Variants in IL22RA1 observed in about 807,000 individuals in gnomAD.
IL22RA1 encodes interleukin 22 receptor subunit alpha 1, also known as interleukin-22 receptor subunit alpha-1.
A neutral mutation model predicts 32.8 loss-of-function variants in IL22RA1; 25 were observed. The observed-to-expected ratio is 0.76, with a 90% confidence interval of 0.55 to 1.06. The LOEUF (loss-of-function observed/expected upper bound fraction) is 1.06, where lower values mean the gene tolerates loss of function less well. IL22RA1 is among the 50% of genes least tolerant of loss of function. The pLI is 0.00. For synonymous variants in IL22RA1, 305 were observed against 305.0 expected (o/e 1.00, Z 0.00); for missense variants, 709 against 727.4 (o/e 0.97, Z 0.29).
chr1:24,128,070 C>A, intron 5 of IL22RA1, 71 bp downstream of exon 5: 3 of 1,434,734 alleles, frequency 2.1e-6, no homozygotes, highest in Non-Finnish European at 2.8e-6. Context: ...ACCTTGGTTA[C>A]AGGGAGGAAA....
chr1:24,121,791 C>A, intron 6 of IL22RA1, 54 bp from the exon 7 acceptor site: 1 of 1,373,802 alleles, frequency 7.3e-7, no homozygotes, highest in South Asian at 1.8e-5. Context: ...GTCCCAAGCT[C>A]CCTACTGGTG....
chr1:24,121,449 G>A lies in IL22RA1; in HGVS notation c.1081C>T (p.Pro361Ser), dbSNP rs750435511. ...YAPNAAPEVGPPSYAPQVTPE... is the reference protein window; with the variant it reads ...YAPNAAPEVGSPSYAPQVTPE... ...GTCACCTGAGGTGCATAGGATGGGG[G>A]CCCGACCTCAGGGGCAGCGTTTGGG... Residue 361 changes from proline (P) to serine (S), a missense_variant, in exon 7 of 7, where the codon CCC (proline) becomes TCC (serine). Coordinates refer to ENST00000270800, the MANE Select transcript of IL22RA1 (RefSeq NM_021258.4). The A allele has an allele frequency of 6.5e-7, 1 of 1,545,912 alleles. No individual in the cohort carries two copies. The highest frequency in any genetic ancestry group is 8.7e-7 in the Non-Finnish European group (1 of 1,143,932).
At chr1:24,128,382 A>G in intron 4 of IL22RA1, 103 bp from the exon 5 acceptor site, 3 of 1,386,268 alleles carry the variant, frequency 2.2e-6, no homozygotes, top group Non-Finnish European at 2.0e-6. Flanking sequence ...TTTGATGCTG[A>G]TGGGTCTGTC....
At position 24,121,411 on chromosome 1, in the gene IL22RA1, T is replaced by A. The variant is rs1644120425; in HGVS notation, c.1119A>T (p.Gln373His). The A allele has an allele frequency of 6.4e-7, 1 of 1,551,840 alleles. No individual in the cohort carries two copies. Among genetic ancestry groups the A allele is most frequent in the Non-Finnish European group, 8.7e-7 (1 of 1,147,688 alleles). ...SYAPQVTPEA[Q>H]FPFYAPQAIS... ...TGGCCTGTGGGGCGTAGAATGGGAA[T>A]TGAGCTTCGGGGGTCACCTGAGGTG... The change falls in exon 7 of 7, where the codon CAA (glutamine) becomes CAT (histidine). Residue 373 changes from glutamine (Q) to histidine (H), a missense_variant. By Grantham distance (24) the Gln-to-His change is conservative (BLOSUM62 0). Transcript: ENST00000270800.
chr1:24,124,084 G>T (rs1644145463), intron 5 of IL22RA1, among the ~76,000 whole-genome samples: 1 of 152,210 alleles, frequency 6.6e-6, no homozygotes, highest in South Asian at 2.1e-4. Context: ...GATCCAGATG[G>T]ATCTGCCCCC....
Position 24,120,550 on chromosome 1 carries a change from G to T in IL22RA1, c.*255C>A. On this transcript the variant is annotated 3_prime_UTR_variant, in exon 7 of 7. Transcript: ENST00000270800. ...TGCACTGTCATTTCTGCCTTGCAGG[G>T]CTCAGCGAGCACGCGCTTGTCTACA... 4.4e-6 allele frequency: 2 copies of T among 451,340 alleles called. No individual in the cohort carries two copies. Among genetic ancestry groups the T allele is most frequent in the Admixed American group, 3.8e-5 (1 of 26,134 alleles). 28.0% of individuals were successfully genotyped at this position (451,340 alleles called of 1,614,324 possible).
rs760967722 is a variant in IL22RA1 at position 24,134,416 on chromosome 1, GAA to G, written c.356-32_356-31del. Reference sequence around the variant, plus strand: ...GGATAGGGAGAGAGAAAAGAGAAAAGAAAAAGTCAGAATCGGTGGGTAGTGTC... The same window carrying G: ...GGATAGGGAGAGAGAAAAGAGAAAAGAAAGTCAGAATCGGTGGGTAGTGTC... On this transcript the variant is annotated intron_variant, in intron 3 of 6. Transcript: ENST00000270800. The G allele has an allele frequency of 5.5e-6, 8 of 1,442,638 alleles. No individual in the cohort carries two copies. The South Asian group carries it at 1.2e-4, about 22-fold the overall frequency. The allele number at this position is 1,442,638 out of a possible 1,614,324, so 89.4% of individuals were successfully genotyped here. A position where few individuals can be genotyped will look rare whatever the true frequency, so the allele number is the denominator to read the frequency against.
intron 1 of IL22RA1, among the ~76,000 whole-genome samples, chr1:24,140,561 A>G (rs1644273550): frequency 6.6e-6 from 1 of 152,230 alleles, no homozygotes. Context: ...GTCTTTGTCC[A>G]GCCCACTTCT....
Position 24,130,348 on chromosome 1 carries a change from G to C in IL22RA1, c.532-2069C>G, listed in dbSNP as rs1240936393. On this transcript the variant is annotated intron_variant, in intron 4 of 6. Transcript: ENST00000270800. ...AATGAGGGGAGAAAGCACAGACAGG[G>C]GAGAGTGTAGAGAAGGAGGCCCAAA... 3.3e-5 allele frequency among the ~76,000 whole-genome samples: 5 copies of C among 152,130 alleles called. No homozygotes were observed. The East Asian group carries it at 9.6e-4, about 29-fold the overall frequency.
chr1:24,140,899 C>T (rs547020084), intron 1 of IL22RA1, among the ~76,000 whole-genome samples: 123 of 152,352 alleles, frequency 8.1e-4, no homozygotes, highest in Non-Finnish European at 1.4e-3. Context: ...TCCCCAGACA[C>T]GTCTACGACT....
chr1:24,136,681 C>A (rs1285907872), intron 3 of IL22RA1, among the ~76,000 whole-genome samples: 1 of 152,188 alleles, frequency 6.6e-6, no homozygotes, highest in Admixed American at 6.5e-5. Flanking sequence ...ATAGGCAGGG[C>A]CTCGTGGGCC....
At chr1:24,138,749 T>C in intron 1 of IL22RA1, 35 bp from the exon 2 acceptor site, 1 of 1,607,702 alleles carries the variant, frequency 6.2e-7, no homozygotes, top group Non-Finnish European at 8.5e-7. Context: ...AGCAGGGGCT[T>C]TCCCAGGGTC....
chr1:24,136,540 A>C (rs955905771), intron 3 of IL22RA1, among the ~76,000 whole-genome samples: 3 of 152,144 alleles, frequency 2.0e-5, no homozygotes, highest in African/African-American at 7.2e-5. Flanking sequence ...TGAGGACTAT[A>C]AAAGAACCAG....
intron 4 of IL22RA1, among the ~76,000 whole-genome samples, 179 bp from the exon 5 acceptor site, chr1:24,128,458 G>T (rs954274006): frequency 4.6e-5 from 7 of 151,958 alleles, no homozygotes; most frequent in African/African-American, 1.7e-4. Context: ...CTCCAAGCAC[G>T]TGTGCCTTTC....
chr1:24,131,862 G>A (rs1010550098), intron 4 of IL22RA1, among the ~76,000 whole-genome samples: 4 of 152,092 alleles, frequency 2.6e-5, no homozygotes, highest in East Asian at 3.8e-4. Context: ...GCCATAGGCT[G>A]GGCTATAACA....
chr1:24,130,086 A>C (rs1185452657), intron 4 of IL22RA1, among the ~76,000 whole-genome samples: 1 of 152,228 alleles, frequency 6.6e-6, no homozygotes, highest in African/African-American at 2.4e-5. Flanking sequence ...AACAACTATA[A>C]ATTCTAAGCA....
At chr1:24,138,852 G>C (rs1644261367) in intron 1 of IL22RA1, 138 bp from the exon 2 acceptor site, 12 of 1,019,682 alleles carry the variant, frequency 1.2e-5, no homozygotes, top group Admixed American at 2.4e-5. Flanking sequence ...TGGTGGGTGG[G>C]CAGGGAGACC....
chr1:24,121,789 CT>C (rs1223222967), intron 6 of IL22RA1, 52 bp from the exon 7 acceptor site: 72 of 1,388,502 alleles, frequency 5.2e-5, no homozygotes, highest in African/African-American at 7.3e-5. Flanking sequence ...AAGTCCCAAG[CT>C]CCCTACTGGT....
chr1:24,134,740 T>C (rs1363253512), intron 3 of IL22RA1: 2 of 614,538 alleles, frequency 3.3e-6, no homozygotes, highest in Non-Finnish European at 4.1e-6. Flanking sequence ...ATCTATTGAG[T>C]ATGACAGCTT....
Sources: gnomAD v4.1 joint callset for allele counts (sites outside exome capture counted in the v4.1 genomes callset) on GRCh38, gnomAD v4.1.1 for gene constraint, MANE v1.5 for transcripts, NCBI Gene and HGNC (gene_info 2026-07-23, HGNC 2026-07-21) for gene names.